EEA1: variants seen among roughly 807,000 people sequenced by gnomAD.
EEA1 encodes early endosome antigen 1, 162kD.
A neutral mutation model predicts 209.2 loss-of-function variants in EEA1; 111 were observed. The ratio of observed to expected loss-of-function variants is 0.53; its 90% confidence interval spans 0.45 to 0.62. EEA1 has a LOEUF of 0.62. Among genes scored for constraint, EEA1 ranks in the 20% least tolerant of loss-of-function variants. The pLI is 0.00. For missense variants in EEA1, 1,343 were observed against 1,530.8 expected (o/e 0.88, Z 2.05); for synonymous variants, 536 against 540.6 (o/e 0.99, Z 0.12).
Position 92,832,698 on chromosome 12 carries a change from A to G in EEA1, c.1068T>C (p.Ser356=). The change falls in exon 11 of 29, where the codon TCT becomes TCC. Residue 356 remains serine (S), a synonymous_variant. Coordinates refer to ENST00000322349, the MANE Select transcript of EEA1 (RefSeq NM_003566.4). ...CQQLQSRLSA[S]ETSLHRIHVE... ...CATGTATTCTATGCAGTGAGGTTTC[A>G]GATGCAGACAATCTTGACTGAAGCT... The G allele has an allele frequency of 2.5e-6, 4 of 1,614,000 alleles. No homozygotes were observed. The highest frequency in any genetic ancestry group is 3.4e-6 in the Non-Finnish European group (4 of 1,179,974).
At chr12:92,913,843 T>C (rs985032238) in intron 1 of EEA1, among the ~76,000 whole-genome samples, 8 of 152,186 alleles carry the variant, frequency 5.3e-5, no homozygotes, top group Non-Finnish European at 1.5e-5. Flanking sequence ...GTCTTTTTAG[T>C]AGAGACATGG....
At chr12:92,849,049 T>C (rs1336639080) in intron 9 of EEA1, among the ~76,000 whole-genome samples, 7 of 152,160 alleles carry the variant, frequency 4.6e-5, no homozygotes, top group African/African-American at 7.2e-5. Context: ...CAAGTAAACA[T>C]GTAAATTTAT....
At chr12:92,854,175 G>C (rs1877760097) in intron 5 of EEA1, among the ~76,000 whole-genome samples, 1 of 152,042 alleles carries the variant, frequency 6.6e-6, no homozygotes, top group Non-Finnish European at 1.5e-5. Flanking sequence ...TTCTAACATA[G>C]ATTTTTTTGT....
At chr12:92,819,704 T>C (rs1041427547) in intron 13 of EEA1, among the ~76,000 whole-genome samples, 193 bp from the exon 14 acceptor site, 40 of 152,268 alleles carry the variant, frequency 2.6e-4, no homozygotes, top group African/African-American at 9.6e-4. Context: ...TCTATATCAT[T>C]ATAAGCTAGA....
intron 15 of EEA1, among the ~76,000 whole-genome samples, chr12:92,815,740 T>C (rs1366117489): frequency 6.6e-6 from 1 of 151,976 alleles, no homozygotes; most frequent in African/African-American, 2.4e-5. Context: ...GTCAGACTTT[T>C]AAAGGAAGAT....
intron 22 of EEA1, among the ~76,000 whole-genome samples, chr12:92,785,958 A>G (rs903524838): frequency 6.6e-6 from 1 of 152,256 alleles, no homozygotes; most frequent in African/African-American, 2.4e-5. Flanking sequence ...ATGAAAGAAT[A>G]TCAATCAAAT....
chr12:92,850,689 C>CAAAAAAAAAAAAAAAAAAA (rs11323932), intron 9 of EEA1, among the ~76,000 whole-genome samples: 1 of 46,910 alleles, frequency 2.1e-5, no homozygotes, highest in Non-Finnish European at 3.7e-5. Flanking sequence ...GACTTTGTCT[C>CAAAAAAAAAAAAAAAAAAA]AAAAAAAAAA....
At chr12:92,803,931 A>G (rs79831024) in intron 18 of EEA1, among the ~76,000 whole-genome samples, 2,285 of 152,308 alleles carry the variant, frequency 0.015, 52 homozygotes, top group African/African-American at 0.052. Flanking sequence ...GACTATGTGA[A>G]TCAAAGAAAG....
At chr12:92,857,146 C>T (rs1877917187) in intron 5 of EEA1, 129 bp downstream of exon 5, 1 of 600,592 alleles carries the variant, frequency 1.7e-6, no homozygotes, top group South Asian at 2.5e-5. Flanking sequence ...CAGAATTCAA[C>T]ACAGAGAAAC....
chr12:92,773,938 TGTGA>T lies in EEA1; in HGVS notation c.*2069_*2072del, dbSNP rs1186461677. On this transcript the variant is annotated 3_prime_UTR_variant, in exon 29 of 29. Coordinates refer to ENST00000322349, the MANE Select transcript of EEA1 (RefSeq NM_003566.4). ...GTTACTTGTTGTCTTAAAATTTTTT[TGTGA>T]GTATTTTGGGGGTAAAGGGGAGACA... 6.6e-6 allele frequency: 1 copy of T among 150,610 alleles called. No individual in the cohort carries two copies. The highest frequency in any genetic ancestry group is 2.4e-5 in the African/African-American group (1 of 41,130). 9.3% of individuals were successfully genotyped at this position (150,610 alleles called of 1,614,324 possible). A position where few individuals can be genotyped will look rare whatever the true frequency, so the allele number is the denominator to read the frequency against.
chr12:92,909,844 C>G (rs1389764892), intron 1 of EEA1, among the ~76,000 whole-genome samples: 1 of 151,394 alleles, frequency 6.6e-6, no homozygotes, highest in Non-Finnish European at 1.5e-5. Context: ...TGGTGAGACC[C>G]CGCCTTAATA....
At position 92,811,415 on chromosome 12, in the gene EEA1, G is replaced by C; in HGVS notation, c.2063C>G (p.Thr688Ser). The change falls in exon 17 of 29, where the codon ACT becomes AGT. Residue 688 changes from threonine (T) to serine (S), a missense_variant. Coordinates refer to ENST00000322349, the MANE Select transcript of EEA1 (RefSeq NM_003566.4). The stretch of plus-strand genomic sequence containing the variant: ...CTTTGCAGTGACCTGATCCAACTGA[G>C]TAGTAATCTTATTTAACTCCTTTAG... ...DKQQELNKIT[T>S]QLDQVTAKLQ... The C allele has an allele frequency of 6.4e-7, 1 of 1,573,126 alleles. No homozygotes were observed. The highest frequency in any genetic ancestry group is 8.6e-7 in the Non-Finnish European group (1 of 1,163,070).
intron 2 of EEA1, among the ~76,000 whole-genome samples, chr12:92,865,956 G>A (rs1329532320): frequency 2.0e-5 from 3 of 149,948 alleles, no homozygotes; most frequent in African/African-American, 7.3e-5. Flanking sequence ...CGCCATGTTG[G>A]CCCGGTGGTC....
At chr12:92,925,995 AT>A (rs201202174) in intron 1 of EEA1, among the ~76,000 whole-genome samples, 4,832 of 144,352 alleles carry the variant, frequency 0.033, 146 homozygotes, top group African/African-American at 0.085. Flanking sequence ...ATGCCACATA[AT>A]TTTTTTTTTT....
At chr12:92,892,477 C>T (rs532078769) in intron 1 of EEA1, among the ~76,000 whole-genome samples, 5 of 151,496 alleles carry the variant, frequency 3.3e-5, no homozygotes, top group South Asian at 2.1e-4. Context: ...TTCTCAAGAT[C>T]CAAGTTAAAG....
intron 22 of EEA1, among the ~76,000 whole-genome samples, chr12:92,783,973 A>C (rs184000707): frequency 8.5e-5 from 13 of 152,304 alleles, no homozygotes; most frequent in Admixed American, 7.8e-4. Context: ...GAGGATTCTT[A>C]AGCTTCCTGA....
chr12:92,800,043 T>C (rs1225408272), intron 20 of EEA1, among the ~76,000 whole-genome samples: 1 of 151,678 alleles, frequency 6.6e-6, no homozygotes, highest in Non-Finnish European at 1.5e-5. Context: ...GGCAACATGG[T>C]GAAGCCTGTC....
intron 2 of EEA1, among the ~76,000 whole-genome samples, chr12:92,877,965 A>G (rs1203582744): frequency 1.3e-5 from 2 of 152,236 alleles, no homozygotes; most frequent in South Asian, 2.1e-4. Flanking sequence ...GGAAGCAGGC[A>G]TTTCCTAAAG....
At chr12:92,791,937 T>A (rs963497630) in intron 21 of EEA1, among the ~76,000 whole-genome samples, 1 of 152,206 alleles carries the variant, frequency 6.6e-6, no homozygotes, top group South Asian at 2.1e-4. Flanking sequence ...CAGATCACAG[T>A]GCCATCAAAT....
Sources: gnomAD v4.1 joint callset for allele counts (sites outside exome capture counted in the v4.1 genomes callset) on GRCh38, gnomAD v4.1.1 for gene constraint, MANE v1.5 for transcripts, NCBI Gene and HGNC (gene_info 2026-07-23, HGNC 2026-07-21) for gene names.